MTCL1: variants seen among roughly 807,000 people sequenced by gnomAD.
MTCL1 encodes microtubule cross-linking factor 1.
MTCL1 carries 79 observed loss-of-function variants against 141.4 expected under a neutral mutation model. The ratio of observed to expected loss-of-function variants is 0.56; its 90% CI spans 0.47 to 0.67. MTCL1 has a LOEUF of 0.67. Ranked by LOEUF, MTCL1 falls within the 30% of genes least tolerant of loss-of-function variation. MTCL1 has a pLI of 0.00. For synonymous variants in MTCL1, 914 were observed against 875.8 expected (o/e 1.04, Z -0.77); for missense variants, 2,177 against 2,113.9 (o/e 1.03, Z -0.59).
chr18:8,755,027 G>A (rs1280900511), intron 4 of MTCL1, among the ~76,000 whole-genome samples: 4 of 152,210 alleles, frequency 2.6e-5, no homozygotes, highest in Non-Finnish European at 4.4e-5. Context: ...GGAGTGCTTC[G>A]GTCACTTTTT....
chr18:8,707,082 G>A (rs72934244), intron 1 of MTCL1: 373 of 181,612 alleles, frequency 2.1e-3, no homozygotes, highest in South Asian at 3.5e-3. Context: ...GTAGGAACAG[G>A]TGATCCTTCG....
chr18:8,796,262 T>C lies in MTCL1; in HGVS notation c.2041T>C (p.Trp681Arg), dbSNP rs779231922. 7 of 1,614,010 alleles carry C rather than the reference T, an allele frequency of 4.3e-6. No homozygotes were observed. The South Asian group carries it at 7.7e-5, about 18-fold the overall frequency. ...GGAGGAGCACCTCTATGCCTTGAGG[T>C]GGAAAGAACTGGAAATGCACAGCCT... is the stretch of plus-strand genomic sequence containing the variant. The change falls in exon 9 of 17, where the codon TGG becomes CGG. Residue 681 changes from tryptophan (W) to arginine (R), a missense_variant. Physicochemically the swap from Trp to Arg is moderately radical, Grantham distance 101 (BLOSUM62 -3). Coordinates refer to ENST00000359865, the Ensembl canonical transcript of MTCL1.
At chr18:8,747,928 G>T (rs1359980410) in intron 4 of MTCL1, among the ~76,000 whole-genome samples, 2 of 152,156 alleles carry the variant, frequency 1.3e-5, no homozygotes, top group South Asian at 2.1e-4. Flanking sequence ...CTCCTTGTGT[G>T]CCCCATGCTG....
upstream of MTCL1, among the ~76,000 whole-genome samples, chr18:8,715,343 A>G (rs372918084): frequency 6.6e-6 from 1 of 152,300 alleles, no homozygotes; most frequent in South Asian, 2.1e-4. Context: ...TCTTAGGGCT[A>G]TATTGCATTT....
rs774662178 is a variant in MTCL1, at chr18:8,784,680, A to G, written c.1568A>G (p.Lys523Arg). ...ATCAACGCCAAGATGAAGGCTTTCA[A>G]GAAAGAGCTGCAGGCCTTCCTGGAG... Residue 523 changes from lysine (K) to arginine (R), a missense_variant, in exon 6 of 17, where the codon AAG becomes AGG. Physicochemically the swap from Lys to Arg is conservative, Grantham distance 26. Transcript: ENST00000359865. 35 of 1,614,086 alleles carry G rather than the reference A, an allele frequency of 2.2e-5. No homozygotes were observed. The South Asian group carries it at 3.1e-4, about 14-fold the overall frequency.
At chr18:8,829,311 G>A (rs1317389259) in intron 16 of MTCL1, 1 of 985,300 alleles carries the variant, frequency 1.0e-6, no homozygotes, top group Non-Finnish European at 1.2e-6. Context: ...TGCCTGAGGG[G>A]GTCTTTGGGC....
chr18:8,770,834 A>G (rs1449948556), intron 4 of MTCL1, among the ~76,000 whole-genome samples: 1 of 152,082 alleles, frequency 6.6e-6, no homozygotes, highest in East Asian at 1.9e-4. Context: ...TGAGAAGTGG[A>G]TTTGTTTTTT....
At chr18:8,745,246 G>A (rs1567969698) in intron 4 of MTCL1, among the ~76,000 whole-genome samples, 1 of 152,174 alleles carries the variant, frequency 6.6e-6, no homozygotes, top group Non-Finnish European at 1.5e-5. Context: ...TCAATTGGTT[G>A]CCAGATCCAA....
exon 15 of MTCL1, chr18:8,825,477 C>G (rs1177244901): frequency 6.2e-7 from 1 of 1,608,440 alleles, no homozygotes. Context: ...CCAGACTGTT[C>G]AGACCATCAG....
intron 7 of MTCL1, among the ~76,000 whole-genome samples, chr18:8,790,455 G>A (rs1274727746): frequency 6.6e-6 from 1 of 152,150 alleles, no homozygotes; most frequent in Non-Finnish European, 1.5e-5. Flanking sequence ...TGTGTAGCTG[G>A]AAAGTAAAGC....
intron 7 of MTCL1, among the ~76,000 whole-genome samples, chr18:8,788,847 A>C (rs1245477007): frequency 1.3e-5 from 2 of 152,208 alleles, no homozygotes; most frequent in African/African-American, 4.8e-5. Flanking sequence ...CTAAAAAAAC[A>C]CTTCAGGACG....
intron 1 of MTCL1, 99 bp downstream of exon 1, chr18:8,706,812 CT>C: frequency 6.7e-7 from 1 of 1,490,048 alleles, no homozygotes; most frequent in Non-Finnish European, 8.9e-7. Flanking sequence ...TGTCCAGCGC[CT>C]TCTCCCTCCT....
chr18:8,736,783 G>A (rs937886116), intron 4 of MTCL1, among the ~76,000 whole-genome samples: 8 of 151,688 alleles, frequency 5.3e-5, no homozygotes, highest in Admixed American at 6.6e-5. Flanking sequence ...GACTACAGGC[G>A]CCCACCACCA....
At chr18:8,743,858 G>A (rs556898738) in intron 4 of MTCL1, among the ~76,000 whole-genome samples, 6 of 152,318 alleles carry the variant, frequency 3.9e-5, no homozygotes, top group Admixed American at 6.5e-5. Context: ...GATCAAGGAC[G>A]TGGATATTTG....
At chr18:8,758,546 A>G (rs1388164128) in intron 4 of MTCL1, among the ~76,000 whole-genome samples, 2 of 152,136 alleles carry the variant, frequency 1.3e-5, no homozygotes, top group Non-Finnish European at 2.9e-5. Context: ...GATTAATCTC[A>G]CCTGTGATAA....
intron 4 of MTCL1, among the ~76,000 whole-genome samples, chr18:8,761,077 C>T (rs1217450129): frequency 6.6e-6 from 1 of 152,088 alleles, no homozygotes; most frequent in Non-Finnish European, 1.5e-5. Flanking sequence ...TTAAAGGCTG[C>T]CCTCACAAAA....
chr18:8,825,466 C>T lies in MTCL1; in HGVS notation c.3956C>T (p.Thr1319Ile), dbSNP rs1380238844. 1.9e-6 allele frequency: 3 copies of T among 1,603,522 alleles called. No individual in the cohort carries two copies. The African/African-American group carries it at 4.0e-5, about 21-fold the overall frequency. ...ACCAATGGGTCCCGGACGATGGGGA[C>T]CCAGACTGTTCAGACCATCAGTGTG... is the stretch of plus-strand genomic sequence containing the variant. Residue 1319 changes from threonine to isoleucine, a missense_variant, in exon 15 of 17, where the codon ACC becomes ATC. Coordinates refer to ENST00000359865, the Ensembl canonical transcript of MTCL1.
Position 8,796,223 on chromosome 18 carries a change from C to A in MTCL1, c.2011-9C>A. ...TGCTTGTCACACTGTCTCTCTTATT[C>A]CATTCAAGATGGAGGAGGAGCACCT... On this transcript the variant is annotated splice_polypyrimidine_tract_variant and intron_variant, in intron 8 of 16. Transcript: ENST00000359865. 2.5e-6 allele frequency: 4 copies of A among 1,613,734 alleles called. No individual in the cohort carries two copies. The East Asian group carries it at 8.9e-5, about 36-fold the overall frequency.
At chr18:8,713,381 A>G (rs182083360), upstream of MTCL1, among the ~76,000 whole-genome samples, 6 of 152,364 alleles carry the variant, frequency 3.9e-5, no homozygotes, top group South Asian at 1.0e-3. Flanking sequence ...CGATTTTCCA[A>G]TTTTATGTAC....
Sources: gnomAD v4.1 joint callset for allele counts (sites outside exome capture counted in the v4.1 genomes callset) on GRCh38, gnomAD v4.1.1 for gene constraint, MANE v1.5 for transcripts, NCBI Gene and HGNC (gene_info 2026-07-23, HGNC 2026-07-21) for gene names.